OGDH: variants seen among roughly 807,000 people sequenced by gnomAD.
OGDH encodes oxoglutarate dehydrogenase, also known as 2-oxoglutarate dehydrogenase complex component E1.
OGDH carries 38 observed loss-of-function variants against 116.6 expected under a neutral mutation model. The ratio of observed to expected loss-of-function variants is 0.33; its 90% CI spans 0.25 to 0.43. The LOEUF is 0.43. OGDH is among the 20% of genes least tolerant of loss of function. The pLI is 1.00. For missense variants in OGDH, 825 were observed against 1,357.2 expected, an observed-to-expected ratio of 0.61 and a Z score of 6.16; for synonymous variants, 488 against 533.3, an observed-to-expected ratio of 0.92 and a Z score of 1.17.
intron 10 of OGDH, among the ~76,000 whole-genome samples, chr7:44,688,037 C>T (rs758644973): frequency 2.6e-5 from 4 of 152,050 alleles, no homozygotes; most frequent in African/African-American, 4.8e-5. Flanking sequence ...TATCAGTTGG[C>T]GAACGTTTAG....
chr7:44,653,581 CA>C (rs1225125449), intron 4 of OGDH, among the ~76,000 whole-genome samples: 1 of 152,212 alleles, frequency 6.6e-6, no homozygotes, highest in Non-Finnish European at 1.5e-5. Context: ...GGCTGGAATG[CA>C]GTGGCACGAT....
chr7:44,616,388 G>A (rs981954820), intron 1 of OGDH, among the ~76,000 whole-genome samples: 2 of 152,038 alleles, frequency 1.3e-5, no homozygotes, highest in Non-Finnish European at 1.5e-5. Context: ...ATACTGAAGC[G>A]TACTCAGGGA....
intron 3 of OGDH, among the ~76,000 whole-genome samples, chr7:44,646,439 C>G (rs1406391211): frequency 6.6e-6 from 1 of 152,202 alleles, no homozygotes; most frequent in African/African-American, 2.4e-5. Flanking sequence ...CATGGCCTGG[C>G]AAGTAAGGCT....
chr7:44,690,098 T>C (rs1395940588), intron 10 of OGDH, among the ~76,000 whole-genome samples: 4 of 152,256 alleles, frequency 2.6e-5, no homozygotes, highest in African/African-American at 9.6e-5. Context: ...TTTTCAAATA[T>C]AAATGATTGA....
intron 5 of OGDH, among the ~76,000 whole-genome samples, chr7:44,670,224 A>C (rs1202497052): frequency 6.6e-6 from 1 of 152,044 alleles, no homozygotes; most frequent in African/African-American, 2.4e-5. Flanking sequence ...TCAATAATGG[A>C]AATTCTGCCA....
At chr7:44,700,310 C>T in intron 19 of OGDH, 41 bp downstream of exon 19, 1 of 1,610,404 alleles carries the variant, frequency 6.2e-7, no homozygotes, top group Non-Finnish European at 8.5e-7. Flanking sequence ...AGGCCTGGCC[C>T]TGCCCTGTTG....
rs1562607805 is a variant in OGDH at position 44,613,868 on chromosome 7, G to A, written c.-28+7215G>A. 8.1e-5 allele frequency among the ~76,000 whole-genome samples: 12 copies of A among 147,606 alleles called. 3 individuals are homozygous for A. Among genetic ancestry groups the A allele is most frequent in the Admixed American group, 6.8e-4 (10 of 14,644 alleles). On this transcript the variant is annotated intron_variant, in intron 1 of 22. Coordinates refer to ENST00000222673, the MANE Select transcript of OGDH (RefSeq NM_002541.4). ...GTTGCACAGGCTGGAGTGCCATGGCGTGATCTCAGCTCACTGCAACCTCCA... is the reference window on the plus strand; with the variant it reads ...GTTGCACAGGCTGGAGTGCCATGGCATGATCTCAGCTCACTGCAACCTCCA...
intron 1 of OGDH, among the ~76,000 whole-genome samples, chr7:44,607,732 T>A (rs911992306): frequency 9.2e-5 from 14 of 151,954 alleles, no homozygotes; most frequent in African/African-American, 3.1e-4. Flanking sequence ...TGAGATGGAG[T>A]CTCTGTCGCC....
intron 2 of OGDH, among the ~76,000 whole-genome samples, chr7:44,640,072 T>G (rs1427464769): frequency 6.6e-6 from 1 of 152,260 alleles, no homozygotes; most frequent in Admixed American, 6.5e-5. Flanking sequence ...GAAGGAGTCC[T>G]GCAGCCTTTG....
chr7:44,653,187 G>T (rs1007620978), intron 4 of OGDH, among the ~76,000 whole-genome samples: 4 of 151,982 alleles, frequency 2.6e-5, no homozygotes, highest in African/African-American at 9.7e-5. Context: ...TCCACCTCCA[G>T]GTTCAAGTGA....
At chr7:44,649,318 C>T (rs1440534541) in intron 4 of OGDH, among the ~76,000 whole-genome samples, 1 of 138,348 alleles carries the variant, frequency 7.2e-6, no homozygotes, top group Admixed American at 7.8e-5. Context: ...AGCATAATCT[C>T]GGCTCACTGC....
At chr7:44,635,981 G>A (rs1785652416) in intron 2 of OGDH, among the ~76,000 whole-genome samples, 1 of 152,240 alleles carries the variant, frequency 6.6e-6, no homozygotes, top group Non-Finnish European at 1.5e-5. Context: ...GGGATTGCAG[G>A]CGTGAGCCAC....
At chr7:44,658,618 A>C (rs937183832) in intron 4 of OGDH, among the ~76,000 whole-genome samples, 1 of 152,170 alleles carries the variant, frequency 6.6e-6, no homozygotes, top group Non-Finnish European at 1.5e-5. Context: ...AAGAGAGGTA[A>C]GAGTGGATAG....
intron 9 of OGDH, among the ~76,000 whole-genome samples, 168 bp from the exon 10 acceptor site, chr7:44,681,552 C>G (rs1374170189): frequency 1.3e-5 from 2 of 152,186 alleles, no homozygotes; most frequent in Non-Finnish European, 2.9e-5. Flanking sequence ...TACCAAGGTG[C>G]TAGCATGTTG....
intron 4 of OGDH, 142 bp downstream of exon 4, chr7:44,647,901 A>G (rs1786262672): frequency 1.6e-6 from 1 of 612,496 alleles, no homozygotes; most frequent in Non-Finnish European, 2.9e-6. Flanking sequence ...TCGGTATTGT[A>G]GCCTTAGTGT....
chr7:44,679,358 C>G (rs1475255547), intron 9 of OGDH, among the ~76,000 whole-genome samples: 1 of 152,178 alleles, frequency 6.6e-6, no homozygotes, highest in African/African-American at 2.4e-5. Flanking sequence ...TCCAAGGGGG[C>G]CCCGTAAGCA....
chr7:44,614,768 G>A (rs546226775), intron 1 of OGDH, among the ~76,000 whole-genome samples: 4 of 151,346 alleles, frequency 2.6e-5, no homozygotes, highest in South Asian at 2.1e-4. Flanking sequence ...GTAAGTCTAC[G>A]TCATCTTGGT....
chr7:44,689,576 G>A (rs577542554), intron 10 of OGDH, among the ~76,000 whole-genome samples: 9 of 151,552 alleles, frequency 5.9e-5, no homozygotes, highest in Non-Finnish European at 1.2e-4. Context: ...ACCAACTCTT[G>A]TTATTGTCTG....
At chr7:44,608,475 G>A (rs189274643) in intron 1 of OGDH, among the ~76,000 whole-genome samples, 2 of 152,172 alleles carry the variant, frequency 1.3e-5, no homozygotes, top group East Asian at 3.9e-4. Context: ...GAGGTGGGTG[G>A]ATCCCCTGAG....
Sources: gnomAD v4.1 joint callset for allele counts (sites outside exome capture counted in the v4.1 genomes callset) on GRCh38, gnomAD v4.1.1 for gene constraint, MANE v1.5 for transcripts, NCBI Gene and HGNC (gene_info 2026-07-23, HGNC 2026-07-21) for gene names.